Variants in DLG2 observed in about 807,000 individuals in gnomAD.
The protein encoded by DLG2 is disks large homolog 2.
A neutral mutation model predicts 132.5 loss-of-function variants in DLG2; 45 were observed. The ratio of observed to expected loss-of-function variants is 0.34; its 90% CI spans 0.27 to 0.44. DLG2 has a LOEUF of 0.44. Among genes scored for constraint, DLG2 ranks in the 20% least tolerant of loss-of-function variants. DLG2 has a pLI of 1.00. For synonymous variants in DLG2, 424 were observed against 419.6 expected (o/e 1.01, Z -0.13); for missense variants, 1,045 against 1,196.9 (o/e 0.87, Z 1.87).
intron 17 of DLG2, among the ~76,000 whole-genome samples, chr11:83,813,981 A>G (rs896204445): frequency 6.6e-6 from 1 of 152,196 alleles, no homozygotes; most frequent in African/African-American, 2.4e-5. Flanking sequence ...CAACAGAGTC[A>G]GGATGCAGAC....
chr11:84,721,231 A>G (rs1190632674), intron 6 of DLG2, among the ~76,000 whole-genome samples: 1 of 152,202 alleles, frequency 6.6e-6, no homozygotes, highest in Non-Finnish European at 1.5e-5. Context: ...GAGGGCCAGC[A>G]AAGAAATCTG....
At chr11:85,611,903 A>G (rs896731934) in intron 2 of DLG2, among the ~76,000 whole-genome samples, 4 of 152,122 alleles carry the variant, frequency 2.6e-5, no homozygotes, top group African/African-American at 7.2e-5. Flanking sequence ...CAGCTGGCAG[A>G]GGCAGGGAAA....
intron 8 of DLG2, among the ~76,000 whole-genome samples, chr11:84,209,582 T>A (rs942406490): frequency 1.3e-5 from 2 of 151,190 alleles, no homozygotes; most frequent in Admixed American, 6.6e-5. Context: ...TTCCTATTTT[T>A]TTAACGTTCC....
intron 6 of DLG2, among the ~76,000 whole-genome samples, chr11:84,847,837 G>A (rs555774794): frequency 6.6e-6 from 1 of 152,062 alleles, no homozygotes; most frequent in African/African-American, 2.4e-5. Flanking sequence ...AAATGTATGG[G>A]TGTGCCTTCT....
At chr11:83,484,313 A>G (rs2093355505) in intron 21 of DLG2, 85 bp from the exon 22 acceptor site, 1 of 958,284 alleles carries the variant, frequency 1.0e-6, no homozygotes, top group Admixed American at 2.0e-5. Context: ...TAGTTTGTAA[A>G]AGCACAGAGA....
At chr11:83,583,205 A>G (rs935439875) in intron 19 of DLG2, among the ~76,000 whole-genome samples, 2 of 152,372 alleles carry the variant, frequency 1.3e-5, no homozygotes, top group African/African-American at 4.8e-5. Context: ...AAGACAAAAA[A>G]TATTCTTTGA....
At chr11:83,598,357 C>T (rs543147) in intron 19 of DLG2, among the ~76,000 whole-genome samples, 108,272 of 152,114 alleles carry the variant, frequency 0.71, 39,229 homozygotes, top group African/African-American at 0.85. Flanking sequence ...GACAACAAAC[C>T]CCAAGCACAT....
At chr11:84,746,879 G>T (rs888931615) in intron 6 of DLG2, among the ~76,000 whole-genome samples, 1 of 152,124 alleles carries the variant, frequency 6.6e-6, no homozygotes, top group Admixed American at 6.6e-5. Flanking sequence ...AACTGTGGCA[G>T]TTCTAGACTT....
At chr11:84,991,397 T>C (rs1428584509) in intron 6 of DLG2, among the ~76,000 whole-genome samples, 1 of 150,938 alleles carries the variant, frequency 6.6e-6, no homozygotes, top group Non-Finnish European at 1.5e-5. Context: ...TTGTCCCAGC[T>C]ACTCAGAAGG....
chr11:85,616,518 T>G (rs974330475), intron 2 of DLG2, among the ~76,000 whole-genome samples: 2 of 152,160 alleles, frequency 1.3e-5, no homozygotes, highest in African/African-American at 4.8e-5. Context: ...GTTCCCTACT[T>G]TATTGCCTCA....
At chr11:84,854,715 C>T (rs761900169) in intron 6 of DLG2, among the ~76,000 whole-genome samples, 4 of 151,954 alleles carry the variant, frequency 2.6e-5, no homozygotes, top group Non-Finnish European at 4.4e-5. Context: ...GCCCAAAATG[C>T]CTTCTTCATT....
chr11:84,826,327 G>C (rs1414058881), intron 6 of DLG2, among the ~76,000 whole-genome samples: 1 of 151,650 alleles, frequency 6.6e-6, no homozygotes, highest in Non-Finnish European at 1.5e-5. Flanking sequence ...GTACCTATTA[G>C]CCTTCCCCCT....
At position 83,633,308 on chromosome 11, in the gene DLG2, C is replaced by T. The variant is rs2153460214; in HGVS notation, c.1843G>A (p.Ala615Thr). The T allele has an allele frequency of 3.7e-6, 6 of 1,613,436 alleles. No homozygotes were observed. The highest frequency in any genetic ancestry group is 5.1e-6 in the Non-Finnish European group (6 of 1,179,652). The change falls in exon 19 of 28, where the codon GCC (alanine) becomes ACC (threonine). Residue 615 changes from alanine (A) to threonine (T), a missense_variant. By Grantham distance (58) the Ala-to-Thr change is moderately conservative. Around this residue, in one of 4 missense-constraint regions of DLG2, gnomAD observed 398 missense variants for 543.6 expected, o/e 0.73. Transcript: ENST00000376104. The part of the protein sequence containing the change: ...YQPEDYARFE[A>T]KIHDLREQMM... ...TGCTCTCGTAGGTCATGGATTTTGGCCTCAAATCGAGCGTAATCTGGGAAT... is the reference window on the plus strand; with the variant it reads ...TGCTCTCGTAGGTCATGGATTTTGGTCTCAAATCGAGCGTAATCTGGGAAT...
rs571374904 is a variant in DLG2, at chr11:84,237,119, G to A, written c.573+14119C>T. On this transcript the variant is annotated intron_variant, in intron 8 of 27. Coordinates refer to ENST00000376104, the MANE Select transcript of DLG2 (RefSeq NM_001142699.3). The stretch of plus-strand genomic sequence containing the variant: ...AATTTTTTGTATTTTTAGTAGAGAC[G>A]GGGTTTCACTGTGTTGTCCACGATG... Among the ~76,000 whole-genome samples the A allele has an allele frequency of 1.4e-4, 21 of 151,978 alleles. No individual in the cohort carries two copies. The South Asian group carries it at 3.8e-3, about 27-fold the overall frequency.
chr11:83,930,195 A>G, intron 15 of DLG2, 133 bp downstream of exon 15: 1 of 1,028,212 alleles, frequency 9.7e-7, no homozygotes, highest in South Asian at 1.6e-5. Flanking sequence ...GCACCAAGGG[A>G]ACAGCAGAAC....
At chr11:84,959,063 A>G (rs1484055720) in intron 6 of DLG2, among the ~76,000 whole-genome samples, 1 of 152,178 alleles carries the variant, frequency 6.6e-6, no homozygotes, top group Non-Finnish European at 1.5e-5. Context: ...CTGGCTCATT[A>G]GAGACGCTTC....
chr11:85,333,788 G>A (rs1306596653), intron 3 of DLG2, among the ~76,000 whole-genome samples: 1 of 152,096 alleles, frequency 6.6e-6, no homozygotes, highest in Non-Finnish European at 1.5e-5. Flanking sequence ...CTACCTGATT[G>A]TGGTGGATTT....
In DLG2 at chr11:85,266,007, A is replaced by T. The variant is rs2077189219; in HGVS notation, c.186+19213T>A. The stretch of plus-strand genomic sequence containing the variant: ...AGGACCCACCAAATGTGGGTACCCA[A>T]AAAGGCTGTCACACTGGCCCTTTGC... On this transcript the variant is annotated intron_variant, in intron 4 of 27. Coordinates refer to ENST00000376104, the MANE Select transcript of DLG2 (RefSeq NM_001142699.3). Among the ~76,000 whole-genome samples, 2 of 152,238 alleles carry T rather than the reference A, an allele frequency of 1.3e-5. 1 individual carries two copies. Among genetic ancestry groups the T allele is most frequent in the African/African-American group, 4.8e-5 (2 of 41,462 alleles).
chr11:83,633,398 A>G, intron 18 of DLG2, 73 bp from the exon 19 acceptor site: 1 of 1,236,998 alleles, frequency 8.1e-7, no homozygotes, highest in Non-Finnish European at 1.2e-6. Flanking sequence ...CAGCCCAGGC[A>G]GCCCCTCACC....
Sources: gnomAD v4.1 joint callset for allele counts (sites outside exome capture counted in the v4.1 genomes callset) on GRCh38, gnomAD v4.1.1 for gene constraint, gnomAD v4.1.1 regional missense constraint, MANE v1.5 for transcripts, NCBI Gene and HGNC (gene_info 2026-07-23, HGNC 2026-07-21) for gene names.